Variants in CHD9 observed in about 807,000 individuals in gnomAD.
The protein encoded by CHD9 is chromodomain helicase DNA binding protein 9, also known as ATP-dependent chromatin remodeler CHD9.
A neutral mutation model predicts 316.1 loss-of-function variants in CHD9; 77 were observed. The observed-to-expected ratio is 0.24, with a 90% CI of 0.20 to 0.29. The LOEUF is 0.29. CHD9 is among the 10% of genes least tolerant of loss of function. The pLI, the probability that CHD9 is intolerant of heterozygous loss-of-function variation, is 1.00. For synonymous variants in CHD9, 1,129 were observed against 1,158.3 expected (o/e 0.97, Z 0.51); for missense variants, 2,763 against 3,438.1 (o/e 0.80, Z 4.91).
intron 1 of CHD9, among the ~76,000 whole-genome samples, chr16:53,122,693 C>T (rs2038794940): frequency 6.6e-6 from 1 of 151,726 alleles, no homozygotes; most frequent in Non-Finnish European, 1.5e-5. Flanking sequence ...TACAGGTGTG[C>T]ACCACCACAC....
In CHD9 at chr16:53,133,710, C is replaced by T. The variant is rs368341534; in HGVS notation, c.-164-22216C>T. 1.4e-4 allele frequency among the ~76,000 whole-genome samples: 22 copies of T among 152,208 alleles called. No homozygotes were observed. In the East Asian group the frequency reaches 2.9e-3, roughly 20 times the overall value. ...ATGAATACAGATAGAAAACGGTGTC[C>T]ATGGAAAAAGCCCGTGACAAGATAA... On this transcript the variant is annotated intron_variant, in intron 1 of 38. Coordinates refer to ENST00000447540, the MANE Select transcript of CHD9 (RefSeq NM_001308319.2).
chr16:53,167,891 T>A (rs1193279593), intron 2 of CHD9, among the ~76,000 whole-genome samples: 1 of 152,072 alleles, frequency 6.6e-6, no homozygotes, highest in African/African-American at 2.4e-5. Flanking sequence ...TATTGGTCAC[T>A]TAGACAGATA....
At chr16:53,157,675 A>G (rs1320433937) in intron 2 of CHD9, 134 bp downstream of exon 2, 2 of 799,676 alleles carry the variant, frequency 2.5e-6, no homozygotes, top group East Asian at 5.3e-5. Context: ...ACATATTTTG[A>G]TATAGGTTTA....
At chr16:53,267,563 G>A in intron 21 of CHD9, 73 bp downstream of exon 21, 1 of 1,091,066 alleles carries the variant, frequency 9.2e-7, no homozygotes, top group Non-Finnish European at 1.3e-6. Flanking sequence ...TACTGGTTTT[G>A]AGTATATTTT....
At chr16:53,200,348 G>A (rs1597398208) in intron 2 of CHD9, among the ~76,000 whole-genome samples, 1 of 137,476 alleles carries the variant, frequency 7.3e-6, no homozygotes, top group East Asian at 2.2e-4. Context: ...TCCATTCTGG[G>A]CAACAGAGCA....
In CHD9 at chr16:53,235,233, T is replaced by C. The variant is rs1413686255; in HGVS notation, c.2560T>C (p.Tyr854His). The C allele has an allele frequency of 6.4e-7, 1 of 1,551,050 alleles. No homozygotes were observed. Among genetic ancestry groups the C allele is most frequent in the Non-Finnish European group, 8.7e-7 (1 of 1,145,044 alleles). Residue 854 changes from tyrosine (Y) to histidine (H), a missense_variant, in exon 11 of 39, where the codon TAT (tyrosine) becomes CAT (histidine). Around this residue, in one of 15 missense-constraint regions of CHD9, gnomAD observed 186 missense variants for 245.0 expected, o/e 0.76. Coordinates refer to ENST00000447540, the MANE Select transcript of CHD9 (RefSeq NM_001308319.2). ...GAAGAAAATAGATCAATCCAGGGAC[T>C]ATAAAAATGGCAATCAACTCAGGGA... ...IWKKIDQSRDYKNGNQLREYQ... is the reference protein window; with the variant it reads ...IWKKIDQSRDHKNGNQLREYQ...
At chr16:53,167,436 A>G (rs1045939437) in intron 2 of CHD9, among the ~76,000 whole-genome samples, 12 of 152,120 alleles carry the variant, frequency 7.9e-5, no homozygotes, top group African/African-American at 2.9e-4. Flanking sequence ...CTACTTTCCT[A>G]TTGTTCTATA....
chr16:53,273,871 T>A, intron 23 of CHD9, 86 bp downstream of exon 23: 1 of 1,258,206 alleles, frequency 7.9e-7, no homozygotes, highest in Non-Finnish European at 1.1e-6. Flanking sequence ...TGATTTTGAG[T>A]ACAGAGACAG....
At chr16:53,183,826 A>G (rs957555853) in intron 2 of CHD9, among the ~76,000 whole-genome samples, 4 of 152,222 alleles carry the variant, frequency 2.6e-5, no homozygotes, top group African/African-American at 4.8e-5. Context: ...CTTAACAGCC[A>G]TGTAACCTTG....
At position 53,242,867 on chromosome 16, in the gene CHD9, T is replaced by A. The variant is rs972989671; in HGVS notation, c.2905T>A (p.Phe969Ile). 2.5e-6 allele frequency: 4 copies of A among 1,613,352 alleles called. No homozygotes were observed. In the African/African-American group the frequency reaches 4.0e-5, roughly 16 times the overall value. Residue 969 changes from phenylalanine to isoleucine, a missense_variant, in exon 13 of 39, where the codon TTC becomes ATC. Physicochemically the swap from Phe to Ile is conservative, Grantham distance 21 (BLOSUM62 0). Coordinates refer to ENST00000447540, the MANE Select transcript of CHD9 (RefSeq NM_001308319.2). ...QGRIIRGAYRFQAIITTFEMI... is the reference protein window; with the variant it reads ...QGRIIRGAYRIQAIITTFEMI... ...GCGTATCATTCGAGGAGCTTACAGA[T>A]TCCAAGCCATCATCACCACTTTTGA...
chr16:53,264,543 A>G (rs1036514209), intron 20 of CHD9, among the ~76,000 whole-genome samples: 7 of 152,152 alleles, frequency 4.6e-5, no homozygotes, highest in Admixed American at 4.6e-4. Flanking sequence ...TGTGATCTCT[A>G]TTTATGATTT....
intron 36 of CHD9, among the ~76,000 whole-genome samples, chr16:53,315,353 TA>T (rs2056799553): frequency 1.3e-5 from 2 of 152,224 alleles, no homozygotes; most frequent in South Asian, 4.1e-4. Flanking sequence ...TATTTTAAAA[TA>T]ATAATGATTA....
chr16:53,145,911 A>G (rs1020061955), intron 1 of CHD9, among the ~76,000 whole-genome samples: 4 of 152,166 alleles, frequency 2.6e-5, no homozygotes, highest in Admixed American at 1.3e-4. Flanking sequence ...GACACATGCT[A>G]GCTACAACAT....
chr16:53,057,663 A>G (rs1015865323), intron 1 of CHD9, among the ~76,000 whole-genome samples: 5 of 152,164 alleles, frequency 3.3e-5, no homozygotes, highest in Admixed American at 1.3e-4. Context: ...TCAAAAAAAA[A>G]AAAGAAAGAA....
rs190544850 is a variant in CHD9, at chr16:53,272,583, G to T, written c.4718-1043G>T. Among the ~76,000 whole-genome samples the T allele has an allele frequency of 1.1e-3, 164 of 152,256 alleles. No homozygotes were observed. In the Middle Eastern group the frequency reaches 0.017, roughly 16 times the overall value. On this transcript the variant is annotated intron_variant, in intron 22 of 38. Coordinates refer to ENST00000447540, the MANE Select transcript of CHD9 (RefSeq NM_001308319.2). ...AATAAATAGGAGGTGGTATAGTTATGTAATAAATTATTATACAGAAACAAA... is the reference window on the plus strand; with the variant it reads ...AATAAATAGGAGGTGGTATAGTTATTTAATAAATTATTATACAGAAACAAA...
chr16:53,085,451 TC>T (rs1174780832), intron 1 of CHD9, among the ~76,000 whole-genome samples: 1 of 152,060 alleles, frequency 6.6e-6, no homozygotes, highest in Non-Finnish European at 1.5e-5. Context: ...GGACCTTCTA[TC>T]CCCTGGGCTC....
chr16:53,245,219 A>T lies in CHD9; in HGVS notation c.3055-117A>T, dbSNP rs2049479132. On this transcript the variant is annotated intron_variant, in intron 13 of 38. Transcript: ENST00000447540. This position sits in a 1 kb window ranked among gnomAD's most constrained non-coding sequence, Gnocchi z 4.1. ...ATACACACACACACACATAACATAT[A>T]TATATGTATATATAGTCAGAAAAAT... The T allele has an allele frequency of 1.5e-6, 1 of 664,262 alleles. No homozygotes were observed. The highest frequency in any genetic ancestry group is 2.4e-6 in the Non-Finnish European group (1 of 421,792). 41.1% of individuals were successfully genotyped at this position (664,262 alleles called of 1,614,324 possible). A position where few individuals can be genotyped will look rare whatever the true frequency, so the allele number is the denominator to read the frequency against.
chr16:53,208,514 G>A, intron 2 of CHD9: 4 of 1,095,754 alleles, frequency 3.7e-6, no homozygotes, highest in Non-Finnish European at 4.5e-6. Flanking sequence ...GTTATAGCCT[G>A]TAGGCCTTAA....
intron 33 of CHD9, 21 bp from the exon 34 acceptor site, chr16:53,308,665 A>C: frequency 6.3e-7 from 1 of 1,587,916 alleles, no homozygotes; most frequent in Non-Finnish European, 8.6e-7. Flanking sequence ...TTCTGTCTTA[A>C]TAATGGTATT....
Sources: gnomAD v4.1 joint callset for allele counts (sites outside exome capture counted in the v4.1 genomes callset) on GRCh38, gnomAD v4.1.1 for gene constraint, gnomAD v4.1.1 regional missense constraint, Gnocchi (gnomAD v3.1) non-coding constraint, MANE v1.5 for transcripts, NCBI Gene and HGNC (gene_info 2026-07-23, HGNC 2026-07-21) for gene names.